Variants in LAIR1 observed in about 807,000 individuals in gnomAD.
The protein encoded by LAIR1 is leukocyte-associated immunoglobulin-like receptor 1.
Under a neutral mutation model 32.8 loss-of-function variants are expected in LAIR1, and 24 were observed. The observed-to-expected ratio is 0.73, with a 90% CI of 0.53 to 1.03. The LOEUF (loss-of-function observed/expected upper bound fraction) is 1.03, where lower values mean the gene tolerates loss of function less well. Among genes scored for constraint, LAIR1 ranks in the 50% least tolerant of loss-of-function variants. The pLI is 0.00. For missense variants in LAIR1, 355 were observed against 347.5 expected (o/e 1.02, Z -0.17); for synonymous variants, 150 against 140.5 (o/e 1.07, Z -0.48).
Position 54,354,943 on chromosome 19 carries a change from G to A in LAIR1, c.*325C>T, listed in dbSNP as rs921271319. The stretch of plus-strand genomic sequence containing the variant: ...GTAGCTGGGCCTTTAGAACAGGCAG[G>A]TGACTTTAGCTGGGTCTCTGGAAAC... On this transcript the variant is annotated 3_prime_UTR_variant, in exon 10 of 10. Transcript: ENST00000391742. 7.3e-6 allele frequency: 2 copies of A among 275,644 alleles called. No homozygotes were observed. The highest frequency in any genetic ancestry group is 1.2e-4 in the East Asian group (2 of 16,006). The allele number at this position is 275,644 out of a possible 1,614,324, so 17.1% of individuals were successfully genotyped here.
chr19:54,366,352 C>T (rs964773818), upstream of LAIR1, among the ~76,000 whole-genome samples: 1 of 152,180 alleles, frequency 6.6e-6, no homozygotes, highest in Non-Finnish European at 1.5e-5. Context: ...GAAGTCCAGG[C>T]TGACAAGGTC....
upstream of LAIR1, among the ~76,000 whole-genome samples, chr19:54,375,474 C>A (rs566605673): frequency 2.7e-3 from 418 of 152,310 alleles, 1 homozygote; most frequent in South Asian, 8.1e-3. Context: ...CTTCCTGTGA[C>A]TGGGGTAAAG....
chr19:54,355,261 T>TATGG lies in LAIR1; in HGVS notation c.*3_*6dup. The TATGG allele has an allele frequency of 6.3e-7, 1 of 1,593,754 alleles. No individual in the cohort carries two copies. On this transcript the variant is annotated 3_prime_UTR_variant, in exon 10 of 10. Transcript: ENST00000391742. This position sits in a 1 kb window ranked among gnomAD's most constrained non-coding sequence, Gnocchi z 4.7. ...CCCTCAGGTGCAGAGGCCAGGTGGG[T>TATGG]ATGGGGTCAGTGTCTGGCAACGGCT...
At chr19:54,373,889 C>G (rs2082460878), upstream of LAIR1, among the ~76,000 whole-genome samples, 1 of 152,226 alleles carries the variant, frequency 6.6e-6, no homozygotes, top group African/African-American at 2.4e-5. Flanking sequence ...GTACTTCAAA[C>G]AGCAAGAAAG....
At position 54,358,071 on chromosome 19, in the gene LAIR1, A is replaced by G. The variant is rs1454448370; in HGVS notation, c.416-1105T>C. 2 of 147,730 alleles carry G rather than the reference A, an allele frequency of 1.4e-5. 1 individual carries two copies. Among genetic ancestry groups the G allele is most frequent in the African/African-American group, 5.0e-5 (2 of 40,154 alleles). 9.2% of individuals were successfully genotyped at this position (147,730 alleles called of 1,614,324 possible). A position where few individuals can be genotyped will look rare whatever the true frequency, so the allele number is the denominator to read the frequency against. On this transcript the variant is annotated intron_variant, in intron 4 of 9. Coordinates refer to ENST00000391742, the MANE Select transcript of LAIR1 (RefSeq NM_002287.6). Reference sequence around the variant, plus strand: ...ATATACATATAATTTAATGTATATAATGTTAATTGTATATGATTTATAACT... The same window carrying G: ...ATATACATATAATTTAATGTATATAGTGTTAATTGTATATGATTTATAACT...
chr19:54,357,357 G>A (rs1455908579), intron 4 of LAIR1: 1 of 176,992 alleles, frequency 5.6e-6, no homozygotes, highest in East Asian at 1.4e-4. Flanking sequence ...GATCTAGGCA[G>A]AGACCAACCA....
Position 54,355,224 on chromosome 19 carries a change from A to G in LAIR1, c.*44T>C. On this transcript the variant is annotated 3_prime_UTR_variant, in exon 10 of 10. Transcript: ENST00000391742. The surrounding 1 kb of genome is among the most constrained non-coding windows in gnomAD (Gnocchi z 4.7). Reference sequence around the variant, plus strand: ...AATGGCTGCTTCAGGCTTTTCCTAGAGTGACTTTCTACCCTCAGGTGCAGA... The same window carrying G: ...AATGGCTGCTTCAGGCTTTTCCTAGGGTGACTTTCTACCCTCAGGTGCAGA... 6.7e-7 allele frequency: 1 copy of G among 1,499,936 alleles called. No homozygotes were observed. Among genetic ancestry groups the G allele is most frequent in the Non-Finnish European group, 8.9e-7 (1 of 1,118,282 alleles). The allele number at this position is 1,499,936 out of a possible 1,614,324, so 92.9% of individuals were successfully genotyped here.
rs140561016 is a variant in LAIR1 at position 54,354,162 on chromosome 19, T to C, written c.*1106A>G. 2.6e-4 allele frequency: 40 copies of C among 152,344 alleles called. No individual in the cohort carries two copies. Among genetic ancestry groups the C allele is most frequent in the African/African-American group, 8.4e-4 (35 of 41,576 alleles). 9.4% of individuals were successfully genotyped at this position (152,344 alleles called of 1,614,324 possible). On this transcript the variant is annotated 3_prime_UTR_variant, in exon 10 of 10. Coordinates refer to ENST00000391742, the MANE Select transcript of LAIR1 (RefSeq NM_002287.6). ...TACAGGTAGGGTGGATACTCAGAAA[T>C]GCCTCAACCAACAGCAGGCTCAGTG...
upstream of LAIR1, among the ~76,000 whole-genome samples, chr19:54,367,744 TA>T (rs1159730755): frequency 1.4e-5 from 2 of 141,014 alleles, no homozygotes; most frequent in African/African-American, 5.9e-5. Flanking sequence ...AGACTCCATC[TA>T]AAAAAATATA....
rs141469313 is a variant in LAIR1, at chr19:54,354,310, C to A, written c.*958G>T. 6 of 152,142 alleles carry A rather than the reference C, an allele frequency of 3.9e-5. No individual in the cohort carries two copies. Among genetic ancestry groups the A allele is most frequent in the African/African-American group, 1.4e-4 (6 of 41,418 alleles). 9.4% of individuals were successfully genotyped at this position (152,142 alleles called of 1,614,324 possible). A position where few individuals can be genotyped will look rare whatever the true frequency, so the allele number is the denominator to read the frequency against. ...ATGTGCAGATGTGGACCTGTAGGGT[C>A]GGCTCTCTGCCTTCACCCAGCCACA... On this transcript the variant is annotated 3_prime_UTR_variant, in exon 10 of 10. Transcript: ENST00000391742.
Position 54,364,624 on chromosome 19 carries a change from AG to A in LAIR1, c.34+146del. On this transcript the variant is annotated intron_variant, in intron 1 of 9. Coordinates refer to ENST00000391742, the MANE Select transcript of LAIR1 (RefSeq NM_002287.6). The surrounding 1 kb of genome is among the most constrained non-coding windows in gnomAD (Gnocchi z 4.8). Reference sequence around the variant, plus strand: ...GACAAGATCTTCTCTGATCAGACTTAGGCCCCAGGGAGAGCAGCAGGGCAGT... The same window carrying A: ...GACAAGATCTTCTCTGATCAGACTTAGCCCCAGGGAGAGCAGCAGGGCAGT... The A allele has an allele frequency of 1.2e-6, 1 of 866,510 alleles. No homozygotes were observed. Among genetic ancestry groups the A allele is most frequent in the Non-Finnish European group, 2.0e-6 (1 of 501,696 alleles). 53.7% of individuals were successfully genotyped at this position (866,510 alleles called of 1,614,324 possible). A position where few individuals can be genotyped will look rare whatever the true frequency, so the allele number is the denominator to read the frequency against.
chr19:54,362,887 C>T (rs2082093992), intron 2 of LAIR1, among the ~76,000 whole-genome samples: 1 of 151,898 alleles, frequency 6.6e-6, no homozygotes, highest in East Asian at 1.9e-4. Context: ...AGCGAAAGAA[C>T]CTGGAGGAAT....
chr19:54,353,523 G>GC lies in LAIR1; in HGVS notation c.*1744dup, dbSNP rs2081577168. ...GTCAGGAGCCTCAGGTGGGTCTGAA[G>GC]CCCCTGTCTCTGAGACTTGGCCGAC... is the stretch of plus-strand genomic sequence containing the variant. On this transcript the variant is annotated 3_prime_UTR_variant, in exon 10 of 10. Transcript: ENST00000391742. 1.3e-5 allele frequency: 2 copies of GC among 152,086 alleles called. No individual in the cohort carries two copies. The highest frequency in any genetic ancestry group is 6.6e-5 in the Admixed American group (1 of 15,262). The allele number at this position is 152,086 out of a possible 1,614,324, so 9.4% of individuals were successfully genotyped here. A position where few individuals can be genotyped will look rare whatever the true frequency, so the allele number is the denominator to read the frequency against.
At chr19:54,370,928 G>A (rs1414184837), upstream of LAIR1, among the ~76,000 whole-genome samples, 3 of 150,094 alleles carry the variant, frequency 2.0e-5, no homozygotes, top group South Asian at 2.1e-4. Flanking sequence ...CAGAGAAATC[G>A]GCAAATGCTA....
chr19:54,370,964 C>T (rs1221813153), upstream of LAIR1, among the ~76,000 whole-genome samples: 1 of 150,042 alleles, frequency 6.7e-6, no homozygotes, highest in African/African-American at 2.5e-5. Flanking sequence ...TTTTGTTTTT[C>T]TTTTTGCTTT....
Position 54,354,209 on chromosome 19 carries a change from G to GT in LAIR1, c.*1058dup, listed in dbSNP as rs2081604850. ...AGTGATTCCTTGGATTTCCTGGGGC[G>GT]TGTGAGTGTATGTGCATGTCTGTGT... On this transcript the variant is annotated 3_prime_UTR_variant, in exon 10 of 10. Coordinates refer to ENST00000391742, the MANE Select transcript of LAIR1 (RefSeq NM_002287.6). The GT allele has an allele frequency of 2.0e-5, 3 of 152,236 alleles. No individual in the cohort carries two copies. Among genetic ancestry groups the GT allele is most frequent in the African/African-American group, 7.2e-5 (3 of 41,446 alleles). The allele number at this position is 152,236 out of a possible 1,614,324, so 9.4% of individuals were successfully genotyped here.
chr19:54,367,821 G>A (rs1483619068), upstream of LAIR1, among the ~76,000 whole-genome samples: 2 of 143,192 alleles, frequency 1.4e-5, no homozygotes, highest in South Asian at 2.2e-4. Flanking sequence ...GCCGGACTGC[G>A]GACTGCAGTG....
At chr19:54,374,950 C>G (rs547865271), upstream of LAIR1, among the ~76,000 whole-genome samples, 4 of 152,262 alleles carry the variant, frequency 2.6e-5, no homozygotes, top group African/African-American at 9.6e-5. Context: ...GTCCGCTGTG[C>G]TGCTCCAAGA....
At chr19:54,367,873 C>A (rs1401197926), upstream of LAIR1, among the ~76,000 whole-genome samples, 1 of 147,404 alleles carries the variant, frequency 6.8e-6, no homozygotes, top group Admixed American at 6.8e-5. Flanking sequence ...CCCGGGTTCA[C>A]GCCATTCTCC....
Sources: gnomAD v4.1 joint callset for allele counts (sites outside exome capture counted in the v4.1 genomes callset) on GRCh38, gnomAD v4.1.1 for gene constraint, Gnocchi (gnomAD v3.1) non-coding constraint, MANE v1.5 for transcripts, NCBI Gene and HGNC (gene_info 2026-07-23, HGNC 2026-07-21) for gene names.